CARMIL1: variants seen among roughly 807,000 people sequenced by gnomAD.
CARMIL1 encodes the protein capping protein regulator and myosin 1 linker 1, also known as F-actin-uncapping protein LRRC16A.
CARMIL1 carries 90 observed loss-of-function variants against 177.1 expected under a neutral mutation model. That is an observed-to-expected ratio of 0.51 (90% CI 0.43 to 0.61). The LOEUF (loss-of-function observed/expected upper bound fraction) is 0.61, where lower values mean the gene tolerates loss of function less well. CARMIL1 is among the 20% of genes least tolerant of loss of function. The pLI is 0.00. For synonymous variants in CARMIL1, 577 were observed against 606.2 expected, an observed-to-expected ratio of 0.95 and a Z score of 0.71; for missense variants, 1,380 against 1,667.0, an observed-to-expected ratio of 0.83 and a Z score of 3.00.
intron 2 of CARMIL1, among the ~76,000 whole-genome samples, chr6:25,322,654 A>G (rs765364290): frequency 2.6e-5 from 4 of 152,214 alleles, no homozygotes; most frequent in Non-Finnish European, 4.4e-5. Flanking sequence ...CTGCAGTGGT[A>G]CATTCTTCAG....
chr6:25,465,071 CAAAAAA>C (rs558022196), intron 8 of CARMIL1, among the ~76,000 whole-genome samples: 3 of 62,020 alleles, frequency 4.8e-5, no homozygotes, highest in Non-Finnish European at 6.8e-5. Flanking sequence ...AGAACTAAAG[CAAAAAA>C]AAAAAAAAAA....
At chr6:25,394,797 G>A (rs937355541) in intron 2 of CARMIL1, among the ~76,000 whole-genome samples, 1 of 152,148 alleles carries the variant, frequency 6.6e-6, no homozygotes, top group African/African-American at 2.4e-5. Context: ...ACTATTTTGG[G>A]GTTTCTGTGA....
At chr6:25,475,606 T>G (rs1369731310) in intron 11 of CARMIL1, among the ~76,000 whole-genome samples, 2 of 152,180 alleles carry the variant, frequency 1.3e-5, no homozygotes, top group Non-Finnish European at 2.9e-5. Context: ...GCGGTATATA[T>G]AATATGTGCA....
rs1809526223 is a variant in CARMIL1 at position 25,546,692 on chromosome 6, TTG to T, written c.2329-4214_2329-4213del. Among the ~76,000 whole-genome samples the T allele has an allele frequency of 1.1e-4, 14 of 131,258 alleles. No homozygotes were observed. The South Asian group carries it at 2.8e-3, about 26-fold the overall frequency. The allele number at this position is 131,258 out of a possible 152,430, so 86.1% of individuals were successfully genotyped here. ...AACAAAAAAAAAAAAAAAAAAAAAA[TTG>T]TGTTTCTATATGTCAGCAACAACTA... On this transcript the variant is annotated intron_variant, in intron 26 of 36. Coordinates refer to ENST00000329474, the MANE Select transcript of CARMIL1 (RefSeq NM_017640.6).
At chr6:25,392,063 TG>T (rs1792896168) in intron 2 of CARMIL1, among the ~76,000 whole-genome samples, 174 of 44,632 alleles carry the variant, frequency 3.9e-3, no homozygotes, top group Non-Finnish European at 3.9e-3. Context: ...CATGTGTGTG[TG>T]TGTGTGTGTG....
At chr6:25,591,102 T>C (rs776536234) in intron 31 of CARMIL1, among the ~76,000 whole-genome samples, 1 of 152,224 alleles carries the variant, frequency 6.6e-6, no homozygotes, top group Non-Finnish European at 1.5e-5. Context: ...GAATTACTAA[T>C]GCACCTAATT....
chr6:25,302,880 C>A (rs1305105569), intron 2 of CARMIL1, among the ~76,000 whole-genome samples: 1 of 152,160 alleles, frequency 6.6e-6, no homozygotes, highest in Admixed American at 6.5e-5. Flanking sequence ...CAATGACTAA[C>A]CCAGGAGATT....
intron 4 of CARMIL1, among the ~76,000 whole-genome samples, chr6:25,434,518 ATTTTTTTTTT>A (rs5875039): frequency 2.0e-5 from 2 of 101,702 alleles, no homozygotes; most frequent in South Asian, 7.1e-4. Flanking sequence ...GCTCAAAACC[ATTTTTTTTTT>A]TTTTTTTTTT....
chr6:25,472,386 T>C lies in CARMIL1; in HGVS notation c.780-41T>C, dbSNP rs775460130. ...TTTAAATGTTCCGTTCGAATGGTTT[T>C]ACATTTTGTTATTTAATCTTATTGT... On this transcript the variant is annotated intron_variant, in intron 10 of 36. Coordinates refer to ENST00000329474, the MANE Select transcript of CARMIL1 (RefSeq NM_017640.6). The C allele has an allele frequency of 5.9e-6, 8 of 1,347,976 alleles. No individual in the cohort carries two copies. The African/African-American group carries it at 1.2e-4, about 19-fold the overall frequency. 83.5% of individuals were successfully genotyped at this position (1,347,976 alleles called of 1,614,324 possible). A position where few individuals can be genotyped will look rare whatever the true frequency, so the allele number is the denominator to read the frequency against.
At chr6:25,360,168 C>T (rs1003084819) in intron 2 of CARMIL1, among the ~76,000 whole-genome samples, 1 of 152,142 alleles carries the variant, frequency 6.6e-6, no homozygotes, top group African/African-American at 2.4e-5. Context: ...ACCTGCACTG[C>T]ATTAAAAATC....
chr6:25,427,453 C>A (rs1284058113), intron 4 of CARMIL1, among the ~76,000 whole-genome samples: 1 of 152,082 alleles, frequency 6.6e-6, no homozygotes, highest in Non-Finnish European at 1.5e-5. Context: ...TTTATCCATT[C>A]GCCTGATGTG....
Position 25,325,902 on chromosome 6 carries a change from G to T in CARMIL1, c.138+40993G>T, listed in dbSNP as rs1785044895. On this transcript the variant is annotated intron_variant, in intron 2 of 36. Transcript: ENST00000329474. ...ACTTTTTTTTTTGAGACAGAGTCTT[G>T]CTCTGTCGCCAGGCTTTAGTGCAGT... Among the ~76,000 whole-genome samples, 4 of 151,950 alleles carry T rather than the reference G, an allele frequency of 2.6e-5. No homozygotes were observed. The South Asian group carries it at 8.3e-4, about 32-fold the overall frequency.
chr6:25,595,304 A>T (rs1386924315), intron 32 of CARMIL1, among the ~76,000 whole-genome samples: 2 of 152,250 alleles, frequency 1.3e-5, no homozygotes, highest in Non-Finnish European at 2.9e-5. Flanking sequence ...AACAAACATA[A>T]GCCAGATAAG....
chr6:25,500,746 A>C (rs1346506210), intron 17 of CARMIL1, among the ~76,000 whole-genome samples: 5 of 151,954 alleles, frequency 3.3e-5, no homozygotes, highest in Non-Finnish European at 5.9e-5. Context: ...CTGAGACTAA[A>C]GTGTCTATAT....
intron 8 of CARMIL1, among the ~76,000 whole-genome samples, chr6:25,451,015 C>T (rs1798857721): frequency 1.1e-5 from 1 of 93,394 alleles, no homozygotes; most frequent in Non-Finnish European, 2.1e-5. Flanking sequence ...TCTCCCCTCT[C>T]CCCTCTCTTC....
At chr6:25,516,038 C>T (rs559556364) in intron 21 of CARMIL1, among the ~76,000 whole-genome samples, 191 bp downstream of exon 21, 107 of 152,258 alleles carry the variant, frequency 7.0e-4, no homozygotes, top group African/African-American at 2.5e-3. Flanking sequence ...AGTAGTGATT[C>T]CTTCGGTCTG....
chr6:25,548,540 A>T (rs549279176), intron 26 of CARMIL1, among the ~76,000 whole-genome samples: 1 of 152,316 alleles, frequency 6.6e-6, no homozygotes, highest in East Asian at 1.9e-4. Flanking sequence ...CTGGAATAAC[A>T]GTTTGAAGCC....
chr6:25,586,924 G>C (rs1016141124), intron 31 of CARMIL1, among the ~76,000 whole-genome samples: 1 of 151,498 alleles, frequency 6.6e-6, no homozygotes, highest in Non-Finnish European at 1.5e-5. Context: ...GCCTCGGCTC[G>C]GCATCAGATA....
At chr6:25,401,545 A>AC (rs751303118) in intron 2 of CARMIL1, among the ~76,000 whole-genome samples, 30 of 152,224 alleles carry the variant, frequency 2.0e-4, no homozygotes, top group Non-Finnish European at 7.3e-5. Context: ...AAGGAATTTA[A>AC]CTGATGAATT....
Sources: allele counts gnomAD v4.1 joint callset (sites outside exome capture counted in the v4.1 genomes callset), GRCh38; gene constraint gnomAD v4.1.1; transcripts MANE v1.5; gene names NCBI Gene and HGNC (gene_info 2026-07-23, HGNC 2026-07-21).